The following DIS3L2 variants were observed in gnomAD, a reference collection of about 807,000 sequenced individuals.
DIS3L2 encodes DIS3 like 3'-5' exoribonuclease 2.
Under a neutral mutation model 97.5 loss-of-function variants are expected in DIS3L2, and 34 were observed. The ratio of observed to expected loss-of-function variants is 0.35; its 90% CI spans 0.27 to 0.46. The LOEUF (loss-of-function observed/expected upper bound fraction) is 0.46, where lower values mean the gene tolerates loss of function less well. Among genes scored for constraint, DIS3L2 ranks in the 20% least tolerant of loss-of-function variants. The pLI is 1.00. For synonymous variants in DIS3L2, 435 were observed against 445.2 expected (o/e 0.98, Z 0.29); for missense variants, 1,038 against 1,146.0 (o/e 0.91, Z 1.36).
At chr2:232,239,109 C>A (rs1693012725) in intron 11 of DIS3L2, among the ~76,000 whole-genome samples, 1 of 152,170 alleles carries the variant, frequency 6.6e-6, no homozygotes, top group South Asian at 2.1e-4. Context: ...CTATGGGAGT[C>A]TCCGAGATGG....
At chr2:232,295,666 C>T (rs1257134790) in intron 13 of DIS3L2, among the ~76,000 whole-genome samples, 3 of 152,220 alleles carry the variant, frequency 2.0e-5, no homozygotes, top group Non-Finnish European at 2.9e-5. Context: ...TTGCCTCTTC[C>T]CTAGCACTGT....
chr2:232,333,767 G>GTAGATCTC, intron 16 of DIS3L2, 73 bp from the exon 17 acceptor site: 895 of 1,438,648 alleles, frequency 6.2e-4, no homozygotes, highest in Admixed American at 3.9e-3. Flanking sequence ...GTGAGGCTGT[G>GTAGATCTC]GGTGGTGCCA....
At chr2:232,072,826 GTGTT>G (rs1247862423) in intron 5 of DIS3L2, among the ~76,000 whole-genome samples, 1 of 146,036 alleles carries the variant, frequency 6.8e-6, no homozygotes, top group Non-Finnish European at 1.5e-5. Context: ...GTGTTGCTGT[GTGTT>G]TGAGAGAAGG....
chr2:231,991,723 T>C (rs1459340137), intron 1 of DIS3L2, among the ~76,000 whole-genome samples: 2 of 152,202 alleles, frequency 1.3e-5, no homozygotes, highest in Non-Finnish European at 1.5e-5. Context: ...TCTCCTGTTA[T>C]CAAGAACATT....
At chr2:232,221,306 G>A (rs1162984111) in intron 10 of DIS3L2, among the ~76,000 whole-genome samples, 2 of 151,940 alleles carry the variant, frequency 1.3e-5, no homozygotes, top group Non-Finnish European at 1.5e-5. Context: ...TTATTTTTAA[G>A]CTACATATGT....
intron 5 of DIS3L2, among the ~76,000 whole-genome samples, chr2:232,082,914 T>C (rs1696446906): frequency 6.6e-6 from 1 of 152,166 alleles, no homozygotes; most frequent in Non-Finnish European, 1.5e-5. Flanking sequence ...TCCACGTGGC[T>C]GGGGAGGCCT....
chr2:232,262,794 T>G (rs1693745460), intron 12 of DIS3L2, among the ~76,000 whole-genome samples: 1 of 152,090 alleles, frequency 6.6e-6, no homozygotes. Context: ...ACCTCCCCCT[T>G]CTCCCTCACT....
In DIS3L2 at chr2:232,171,133, G is replaced by A. The variant is rs116784261; in HGVS notation, c.1124+7501G>A. On this transcript the variant is annotated intron_variant, in intron 9 of 20. Transcript: ENST00000325385. ...AGGCAAACCAGTTAAATCTGGGGAA[G>A]TGGAGAGCCGTGAGCAATTTTATCT... Among the ~76,000 whole-genome samples the A allele has an allele frequency of 4.7e-3, 720 of 152,286 alleles. 6 individuals are homozygous for A. Among genetic ancestry groups the A allele is most frequent in the African/African-American group, 0.017 (687 of 41,530 alleles).
chr2:232,322,425 T>C (rs1695461656), intron 14 of DIS3L2, among the ~76,000 whole-genome samples: 1 of 152,236 alleles, frequency 6.6e-6, no homozygotes, highest in Non-Finnish European at 1.5e-5. Context: ...GTCACTTCTG[T>C]GGCCTCCCAG....
rs1183464955 is a variant in DIS3L2, at chr2:231,970,796, CTTT to C, written c.-94+9036_-94+9038del. Among the ~76,000 whole-genome samples the C allele has an allele frequency of 2.7e-5, 4 of 147,648 alleles. No homozygotes were observed. In the South Asian group the frequency reaches 9.0e-4, roughly 33 times the overall value. On this transcript the variant is annotated intron_variant, in intron 1 of 20. Coordinates refer to ENST00000325385, the MANE Select transcript of DIS3L2 (RefSeq NM_152383.5). ...ATAAATTAACCTTAGCTTACTGTGA[CTTT>C]TTTTACTTTATAAACTTTAATTTTT...
chr2:231,977,435 A>G (rs1237722870), intron 1 of DIS3L2, among the ~76,000 whole-genome samples: 1 of 152,214 alleles, frequency 6.6e-6, no homozygotes, highest in African/African-American at 2.4e-5. Context: ...TAATTAATTT[A>G]TTGATTGTCT....
At chr2:232,335,058 C>T (rs1007749872) in intron 19 of DIS3L2, 24 of 293,696 alleles carry the variant, frequency 8.2e-5, no homozygotes, top group South Asian at 1.7e-4. Flanking sequence ...GCGAATGGTC[C>T]GTGGCCGCTT....
chr2:232,041,033 C>T (rs1001397351), intron 5 of DIS3L2, among the ~76,000 whole-genome samples: 2 of 152,158 alleles, frequency 1.3e-5, no homozygotes, highest in African/African-American at 4.8e-5. Flanking sequence ...TATCAGTTGA[C>T]ATAACTAAAA....
chr2:232,277,030 C>G (rs966840213), intron 13 of DIS3L2, among the ~76,000 whole-genome samples: 1 of 152,152 alleles, frequency 6.6e-6, no homozygotes, highest in Non-Finnish European at 1.5e-5. Flanking sequence ...ATGGAGACAT[C>G]GCCTCCTTTA....
At chr2:232,289,183 T>C (rs545584088) in intron 13 of DIS3L2, among the ~76,000 whole-genome samples, 2 of 152,272 alleles carry the variant, frequency 1.3e-5, no homozygotes, top group South Asian at 4.1e-4. Flanking sequence ...ATTGGAAATA[T>C]TCAGTGTTAC....
At chr2:231,979,651 C>T (rs1483188254) in intron 1 of DIS3L2, among the ~76,000 whole-genome samples, 19 of 150,712 alleles carry the variant, frequency 1.3e-4, no homozygotes, top group Admixed American at 1.2e-3. Flanking sequence ...GATCTCGGCT[C>T]ACTGCAACCT....
chr2:232,146,067 T>C (rs968459011), intron 8 of DIS3L2, among the ~76,000 whole-genome samples: 3 of 152,156 alleles, frequency 2.0e-5, no homozygotes, highest in African/African-American at 4.8e-5. Context: ...GCTGCTATAT[T>C]CCATGAAGAT....
At chr2:232,205,503 T>C (rs1365330813) in intron 9 of DIS3L2, among the ~76,000 whole-genome samples, 1 of 152,068 alleles carries the variant, frequency 6.6e-6, no homozygotes, top group Non-Finnish European at 1.5e-5. Context: ...GGTTTCACCA[T>C]GTTGCCCAGG....
intron 14 of DIS3L2, among the ~76,000 whole-genome samples, chr2:232,313,119 A>G (rs911493481): frequency 1.3e-5 from 2 of 152,098 alleles, no homozygotes; most frequent in African/African-American, 4.8e-5. Context: ...ATTGCACTGT[A>G]CAGTATTTCT....
Sources: gnomAD v4.1 joint callset for allele counts (sites outside exome capture counted in the v4.1 genomes callset) on GRCh38, gnomAD v4.1.1 for gene constraint, MANE v1.5 for transcripts, NCBI Gene and HGNC (gene_info 2026-07-23, HGNC 2026-07-21) for gene names.